The following NFATC4 variants were observed in gnomAD, a reference collection of about 807,000 sequenced individuals.
NFATC4 encodes the protein nuclear factor of activated T cells 4, also known as nuclear factor of activated T-cells, cytoplasmic 4.
A neutral mutation model predicts 73.4 loss-of-function variants in NFATC4; 25 were observed. The observed-to-expected ratio is 0.34, with a 90% CI of 0.25 to 0.48. NFATC4 has a LOEUF of 0.48. Ranked by LOEUF, NFATC4 falls within the 20% of genes least tolerant of loss-of-function variation. The pLI is 0.99. For synonymous variants in NFATC4, 523 were observed against 510.3 expected, an observed-to-expected ratio of 1.02 and a Z score of -0.34; for missense variants, 1,130 against 1,203.7, an observed-to-expected ratio of 0.94 and a Z score of 0.91.
In NFATC4 at chr14:24,377,210, G is replaced by A; in HGVS notation, c.2641+332G>A. ...GCAAGTTTAGGCGTTGAGTTCCAGA[G>A]AGGGATGGTAGCTTGCTGAGGTCCC... On this transcript the variant is annotated intron_variant, in intron 9 of 9. Transcript: ENST00000250373. This position sits in a 1 kb window ranked among gnomAD's most constrained non-coding sequence, Gnocchi z 4.2. 7.9e-7 allele frequency: 1 copy of A among 1,265,456 alleles called. No individual in the cohort carries two copies. The highest frequency in any genetic ancestry group is 3.1e-5 in the East Asian group (1 of 32,334). The allele number at this position is 1,265,456 out of a possible 1,614,324, so 78.4% of individuals were successfully genotyped here. A position where few individuals can be genotyped will look rare whatever the true frequency, so the allele number is the denominator to read the frequency against.
chr14:24,371,334 G>T (rs2042467104), intron 2 of NFATC4, among the ~76,000 whole-genome samples: 1 of 152,226 alleles, frequency 6.6e-6, no homozygotes, highest in African/African-American at 2.4e-5. Flanking sequence ...ACTATTTTGA[G>T]CAGGATAATT....
chr14:24,370,919 T>G (rs923785414), intron 2 of NFATC4, among the ~76,000 whole-genome samples: 6 of 152,154 alleles, frequency 3.9e-5, no homozygotes, highest in African/African-American at 1.4e-4. Flanking sequence ...AAGCCCCCGC[T>G]CTGCACTGGC....
rs1203059160 is a variant in NFATC4, at chr14:24,373,767, G to A, written c.1632G>A (p.Gly544=). The change falls in exon 5 of 10, where the codon GGG becomes GGA. Residue 544 remains glycine (G), a synonymous_variant. Transcript: ENST00000250373. The surrounding 1 kb of genome is among the most constrained non-coding windows in gnomAD (Gnocchi z 4.7). ...TTCGGAAGGGTGAGACGGACATCGG[G>A]CGCAAAAACACACGTGTACGGCTGG... ...IELRKGETDI[G]RKNTRVRLVF... 3 of 1,614,186 alleles carry A rather than the reference G, an allele frequency of 1.9e-6. No individual in the cohort carries two copies. Among genetic ancestry groups the A allele is most frequent in the Non-Finnish European group, 2.5e-6 (3 of 1,180,038 alleles).
Position 24,373,609 on chromosome 14 carries a change from A to T in NFATC4, c.1560-86A>T. 4 of 1,535,660 alleles carry T rather than the reference A, an allele frequency of 2.6e-6. No homozygotes were observed. Among genetic ancestry groups the T allele is most frequent in the East Asian group, 4.5e-5 (2 of 44,348 alleles). The stretch of plus-strand genomic sequence containing the variant: ...CATCGAAAGTCATTCAAGGCTTTGG[A>T]TGGAGGGCGGGAACTTCCCTCTTTA... On this transcript the variant is annotated intron_variant, in intron 4 of 9. Coordinates refer to ENST00000250373, the MANE Select transcript of NFATC4 (RefSeq NM_004554.5). This position sits in a 1 kb window ranked among gnomAD's most constrained non-coding sequence, Gnocchi z 4.7.
intron 2 of NFATC4, among the ~76,000 whole-genome samples, chr14:24,371,521 T>C (rs529036470): frequency 2.0e-5 from 3 of 152,282 alleles, no homozygotes; most frequent in African/African-American, 7.2e-5. Flanking sequence ...AGATCCACTG[T>C]CCTAGGGTAT....
At position 24,377,118 on chromosome 14, in the gene NFATC4, G is replaced by A. The variant is rs2042645699; in HGVS notation, c.2641+240G>A. 2 of 1,300,932 alleles carry A rather than the reference G, an allele frequency of 1.5e-6. No individual in the cohort carries two copies. Among genetic ancestry groups the A allele is most frequent in the East Asian group, 5.7e-5 (2 of 34,882 alleles). The allele number at this position is 1,300,932 out of a possible 1,614,324, so 80.6% of individuals were successfully genotyped here. A position where few individuals can be genotyped will look rare whatever the true frequency, so the allele number is the denominator to read the frequency against. ...TCTCCTGTCTCTGCCTCTGTCCTCT[G>A]CTCCAAATCATAAAATCTCAGAGCT... On this transcript the variant is annotated intron_variant, in intron 9 of 9. Transcript: ENST00000250373. The surrounding 1 kb of genome is among the most constrained non-coding windows in gnomAD (Gnocchi z 4.2).
At chr14:24,368,962 C>T in intron 1 of NFATC4, 1 of 981,656 alleles carries the variant, frequency 1.0e-6, no homozygotes, top group Non-Finnish European at 1.3e-6. Flanking sequence ...CCCCCTTCCC[C>T]CGGCTGGGCC....
rs755839693 is a variant in NFATC4, at chr14:24,377,616, C to T, written c.2642-22C>T. Reference sequence around the variant, plus strand: ...AGGGGACCCACCTCTAGCCCAGTCTCTCAACTGCCCCTCCTTTACAGTGAG... The same window carrying T: ...AGGGGACCCACCTCTAGCCCAGTCTTTCAACTGCCCCTCCTTTACAGTGAG... On this transcript the variant is annotated intron_variant, in intron 9 of 9. Transcript: ENST00000250373. The surrounding 1 kb of genome is among the most constrained non-coding windows in gnomAD (Gnocchi z 4.2). 6.8e-6 allele frequency: 11 copies of T among 1,614,148 alleles called. No individual in the cohort carries two copies. The highest frequency in any genetic ancestry group is 1.7e-6 in the Non-Finnish European group (2 of 1,180,020).
At position 24,370,607 on chromosome 14, in the gene NFATC4, C is replaced by A. The variant is rs1387195280; in HGVS notation, c.1196+13C>A. ...GCCCTATCTTCAGGTGAGGGTTGCG[C>A]CTGGCACTACCGCTCTCTCTAGCCA... On this transcript the variant is annotated intron_variant, in intron 2 of 9. Coordinates refer to ENST00000250373, the MANE Select transcript of NFATC4 (RefSeq NM_004554.5). 6.3e-7 allele frequency: 1 copy of A among 1,594,866 alleles called. No individual in the cohort carries two copies.
chr14:24,368,459 A>G lies in NFATC4; in HGVS notation c.100+19A>G. On this transcript the variant is annotated intron_variant, in intron 1 of 9. Coordinates refer to ENST00000250373, the MANE Select transcript of NFATC4 (RefSeq NM_004554.5). Reference sequence around the variant, plus strand: ...GGGGAAGGTTAGTGCTGGGCTGGGAAGGGGTCTTGGGGTCAGTGAGAGGAG... The same window carrying G: ...GGGGAAGGTTAGTGCTGGGCTGGGAGGGGGTCTTGGGGTCAGTGAGAGGAG... 8.2e-7 allele frequency: 1 copy of G among 1,212,396 alleles called. No individual in the cohort carries two copies. Among genetic ancestry groups the G allele is most frequent in the Non-Finnish European group, 1.0e-6 (1 of 966,244 alleles). 75.1% of individuals were successfully genotyped at this position (1,212,396 alleles called of 1,614,324 possible).
upstream of NFATC4, chr14:24,366,916 C>T (rs2042325332): frequency 6.0e-6 from 9 of 1,512,230 alleles, no homozygotes; most frequent in Non-Finnish European, 7.9e-6. Context: ...TGTTTGTAAA[C>T]GTCTGACCTG....
chr14:24,376,027 C>A lies in NFATC4; in HGVS notation c.1982C>A (p.Pro661Gln), dbSNP rs1173932684. The change falls in exon 8 of 10, where the codon CCA becomes CAA. Residue 661 changes from proline to glutamine, a missense_variant. Pro to Gln is a moderately conservative substitution (Grantham distance 76). This residue lies in a region of NFATC4 where 390 missense variants were observed against 408.1 expected (regional missense o/e 0.96). Coordinates refer to ENST00000250373, the MANE Select transcript of NFATC4 (RefSeq NM_004554.5). The surrounding 1 kb of genome is among the most constrained non-coding windows in gnomAD (Gnocchi z 5.0). ...TACAGCAACAAGAGGGTTTCCCGGCCAGTCCAGGTCTACTTTTATGTCTCC... is the reference window on the plus strand; with the variant it reads ...TACAGCAACAAGAGGGTTTCCCGGCAAGTCCAGGTCTACTTTTATGTCTCC... ...PEYSNKRVSR[P>Q]VQVYFYVSNG... The A allele has an allele frequency of 6.2e-7, 1 of 1,614,074 alleles. No homozygotes were observed. The highest frequency in any genetic ancestry group is 2.2e-5 in the East Asian group (1 of 44,884).
chr14:24,375,027 G>A (rs893031291), intron 6 of NFATC4, among the ~76,000 whole-genome samples: 3 of 151,822 alleles, frequency 2.0e-5, no homozygotes, highest in South Asian at 4.2e-4. Flanking sequence ...CTGCAATCAC[G>A]GCTCACTGCA....
upstream of NFATC4, chr14:24,367,939 G>A (rs149929963): frequency 1.2e-4 from 157 of 1,259,130 alleles, no homozygotes; most frequent in African/African-American, 2.0e-3. Context: ...TGTCACAACG[G>A]CGGACCAATA....
At chr14:24,372,395 T>G in intron 2 of NFATC4, 46 bp from the exon 3 acceptor site, 1 of 1,597,078 alleles carries the variant, frequency 6.3e-7, no homozygotes, top group South Asian at 1.1e-5. Flanking sequence ...CGGGCCTGAC[T>G]GGGGTCTGAG....
chr14:24,372,278 A>G (rs777611653), intron 2 of NFATC4, 163 bp from the exon 3 acceptor site: 13 of 749,776 alleles, frequency 1.7e-5, no homozygotes, highest in Non-Finnish European at 2.7e-5. Flanking sequence ...TAGTTTAAAA[A>G]AAATTCTTTT....
chr14:24,372,243 T>G, intron 2 of NFATC4, 198 bp from the exon 3 acceptor site: 3 of 590,474 alleles, frequency 5.1e-6, no homozygotes, highest in Non-Finnish European at 2.9e-6. Context: ...GACTTTTGGA[T>G]TTCTTCATTT....
In NFATC4 at chr14:24,376,026, C is replaced by A; in HGVS notation, c.1981C>A (p.Pro661Thr). Reference sequence around the variant, plus strand: ...GTACAGCAACAAGAGGGTTTCCCGGCCAGTCCAGGTCTACTTTTATGTCTC... The same window carrying A: ...GTACAGCAACAAGAGGGTTTCCCGGACAGTCCAGGTCTACTTTTATGTCTC... ...PEYSNKRVSR[P>T]VQVYFYVSNG... The change falls in exon 8 of 10, where the codon CCA becomes ACA. Residue 661 changes from proline (P) to threonine (T), a missense_variant. Pro to Thr is a conservative substitution (Grantham distance 38). Transcript: ENST00000250373. The surrounding 1 kb of genome is among the most constrained non-coding windows in gnomAD (Gnocchi z 5.0). 1.2e-6 allele frequency: 2 copies of A among 1,614,090 alleles called. No homozygotes were observed. The highest frequency in any genetic ancestry group is 1.7e-6 in the Non-Finnish European group (2 of 1,179,978).
rs372633685 is a variant in NFATC4 at position 24,368,955 on chromosome 14, C to T, written c.100+515C>T. The stretch of plus-strand genomic sequence containing the variant: ...ACGAATCCGCGCTGCCCGCTGCCCC[C>T]CTTCCCCCGGCTGGGCCCAGCACGC... On this transcript the variant is annotated intron_variant, in intron 1 of 9. Coordinates refer to ENST00000250373, the MANE Select transcript of NFATC4 (RefSeq NM_004554.5). 1.1e-4 allele frequency: 98 copies of T among 874,874 alleles called. 1 individual carries two copies. The highest frequency in any genetic ancestry group is 1.4e-4 in the Non-Finnish European group (95 of 703,216). 54.2% of individuals were successfully genotyped at this position (874,874 alleles called of 1,614,324 possible). A position where few individuals can be genotyped will look rare whatever the true frequency, so the allele number is the denominator to read the frequency against.
Sources: gnomAD v4.1 joint callset for allele counts (sites outside exome capture counted in the v4.1 genomes callset) on GRCh38, gnomAD v4.1.1 for gene constraint, gnomAD v4.1.1 regional missense constraint, Gnocchi (gnomAD v3.1) non-coding constraint, MANE v1.5 for transcripts, NCBI Gene and HGNC (gene_info 2026-07-23, HGNC 2026-07-21) for gene names.